FBXL7: variants seen among roughly 807,000 people sequenced by gnomAD.
The protein encoded by FBXL7 is F-box and leucine rich repeat protein 7, also known as F-box/LRR-repeat protein 7.
In FBXL7, 12 loss-of-function variants were observed where a neutral mutation model predicts 38.3. That is an observed-to-expected ratio of 0.31 (90% CI 0.20 to 0.51). The LOEUF (loss-of-function observed/expected upper bound fraction) is 0.51. Ranked by LOEUF, FBXL7 falls within the 20% of genes least tolerant of loss-of-function variation. The pLI is 0.98. For synonymous variants in FBXL7, 297 were observed against 300.9 expected (o/e 0.99, Z 0.13); for missense variants, 567 against 676.4 (o/e 0.84, Z 1.79).
intron 2 of FBXL7, among the ~76,000 whole-genome samples, chr5:15,742,570 T>A (rs1428309075): frequency 2.6e-5 from 4 of 152,230 alleles, no homozygotes; most frequent in African/African-American, 9.6e-5. Flanking sequence ...GTAGGTGACC[T>A]ATGCTGATGA....
intron 1 of FBXL7, among the ~76,000 whole-genome samples, chr5:15,609,761 A>T (rs981242816): frequency 1.3e-5 from 2 of 152,180 alleles, no homozygotes; most frequent in Non-Finnish European, 2.9e-5. Context: ...AGCTTGATGT[A>T]GCCATGGTTC....
intron 1 of FBXL7, among the ~76,000 whole-genome samples, chr5:15,568,291 A>G (rs994147577): frequency 6.6e-5 from 10 of 152,132 alleles, no homozygotes; most frequent in Non-Finnish European, 1.2e-4. Flanking sequence ...TCGCCATTCT[A>G]ACTGGTGTGA....
chr5:15,502,253 C>G (rs1226262790), intron 1 of FBXL7, among the ~76,000 whole-genome samples: 1 of 151,898 alleles, frequency 6.6e-6, no homozygotes, highest in East Asian at 1.9e-4. Flanking sequence ...TCCCCTGCCC[C>G]CACCCCACCC....
At chr5:15,864,061 A>G (rs1455808724) in intron 2 of FBXL7, among the ~76,000 whole-genome samples, 5 of 152,166 alleles carry the variant, frequency 3.3e-5, no homozygotes, top group Non-Finnish European at 5.9e-5. Context: ...AGAGAAGAGT[A>G]ACCAAACTTG....
At chr5:15,931,999 G>T (rs1445804833) in intron 3 of FBXL7, among the ~76,000 whole-genome samples, 1 of 152,126 alleles carries the variant, frequency 6.6e-6, no homozygotes, top group Non-Finnish European at 1.5e-5. Flanking sequence ...CTCATGATGA[G>T]CTTTGAGCTT....
intron 1 of FBXL7, among the ~76,000 whole-genome samples, chr5:15,567,370 T>A (rs959939274): frequency 2.0e-5 from 3 of 152,138 alleles, no homozygotes; most frequent in Non-Finnish European, 4.4e-5. Flanking sequence ...AAAAGATATT[T>A]GTTTTTTCTT....
chr5:15,724,598 T>C (rs1481910863), intron 2 of FBXL7, among the ~76,000 whole-genome samples: 4 of 152,188 alleles, frequency 2.6e-5, no homozygotes, highest in Admixed American at 6.5e-5. Flanking sequence ...GAATCATACA[T>C]GTGTGCTCTT....
At chr5:15,731,364 T>C (rs202110715) in intron 2 of FBXL7, among the ~76,000 whole-genome samples, 3,673 of 152,140 alleles carry the variant, frequency 0.024, 91 homozygotes, top group East Asian at 0.068. Flanking sequence ...AAGAGAAAGC[T>C]TGTGCAGAGA....
At chr5:15,530,814 T>A (rs186597769) in intron 1 of FBXL7, among the ~76,000 whole-genome samples, 20 of 152,318 alleles carry the variant, frequency 1.3e-4, no homozygotes, top group Admixed American at 2.0e-4. Flanking sequence ...AAACAACCCA[T>A]GCTTTGGGGC....
intron 2 of FBXL7, among the ~76,000 whole-genome samples, chr5:15,735,660 G>C (rs1446534143): frequency 6.6e-6 from 1 of 152,216 alleles, no homozygotes; most frequent in Non-Finnish European, 1.5e-5. Flanking sequence ...TTTTAGAATA[G>C]AGGTTAAATG....
chr5:15,695,015 C>T (rs1743291040), intron 2 of FBXL7, among the ~76,000 whole-genome samples: 1 of 152,176 alleles, frequency 6.6e-6, no homozygotes, highest in Non-Finnish European at 1.5e-5. Flanking sequence ...GCATAGGCAA[C>T]AGACCTGCTC....
chr5:15,787,335 G>A lies in FBXL7; in HGVS notation c.128-140555G>A, dbSNP rs532612289. Among the ~76,000 whole-genome samples the A allele has an allele frequency of 2.0e-5, 3 of 152,248 alleles. No individual in the cohort carries two copies. The South Asian group carries it at 6.2e-4, about 32-fold the overall frequency. ...AGTATTAAAAATATAGACGTGAAGG[G>A]GAATTAATTTCAAACAGAGCTGCCT... On this transcript the variant is annotated intron_variant, in intron 2 of 3. Coordinates refer to ENST00000504595, the MANE Select transcript of FBXL7 (RefSeq NM_012304.5).
At chr5:15,915,213 AAAAGTGTGG>A (rs1219281340) in intron 2 of FBXL7, among the ~76,000 whole-genome samples, 1 of 152,226 alleles carries the variant, frequency 6.6e-6, no homozygotes, top group East Asian at 1.9e-4. Context: ...CATTCAATAT[AAAAGTGTGG>A]AAAGAGCTGT....
intron 2 of FBXL7, among the ~76,000 whole-genome samples, chr5:15,674,546 T>C (rs1269267995): frequency 6.6e-6 from 1 of 152,198 alleles, no homozygotes; most frequent in Non-Finnish European, 1.5e-5. Flanking sequence ...ATCCTCTTCC[T>C]TTGGAGAATA....
intron 2 of FBXL7, among the ~76,000 whole-genome samples, chr5:15,844,209 G>T (rs182121786): frequency 1.3e-5 from 2 of 152,256 alleles, no homozygotes; most frequent in Admixed American, 6.5e-5. Context: ...CATACAGATT[G>T]GCCTTTCATT....
intron 1 of FBXL7, among the ~76,000 whole-genome samples, chr5:15,604,647 G>A (rs778264232): frequency 1.3e-5 from 2 of 152,092 alleles, no homozygotes; most frequent in Non-Finnish European, 2.9e-5. Context: ...GAGCCACCAC[G>A]CCCAACAGAT....
intron 3 of FBXL7, among the ~76,000 whole-genome samples, chr5:15,935,606 C>T (rs565012746): frequency 1.3e-5 from 2 of 152,122 alleles, no homozygotes; most frequent in Non-Finnish European, 2.9e-5. Flanking sequence ...GGGGAATCGA[C>T]TGTAGGAGCT....
At chr5:15,616,131 A>C in intron 2 of FBXL7, 59 bp downstream of exon 2, 1 of 1,239,168 alleles carries the variant, frequency 8.1e-7, no homozygotes, top group Non-Finnish European at 1.2e-6. Flanking sequence ...TATTTTTGGA[A>C]CAGAAATAAA....
intron 2 of FBXL7, among the ~76,000 whole-genome samples, chr5:15,693,272 C>T (rs1028266614): frequency 1.3e-5 from 2 of 152,116 alleles, no homozygotes; most frequent in African/African-American, 2.4e-5. Flanking sequence ...ATGGTGGATG[C>T]CACCAGATGC....
Sources: allele counts gnomAD v4.1 joint callset (sites outside exome capture counted in the v4.1 genomes callset), GRCh38; gene constraint gnomAD v4.1.1; transcripts MANE v1.5; gene names NCBI Gene and HGNC (gene_info 2026-07-23, HGNC 2026-07-21).